APAF1: variants seen among roughly 807,000 people sequenced by gnomAD.
The protein encoded by APAF1 is apoptotic protease-activating factor 1.
A neutral mutation model predicts 152.4 loss-of-function variants in APAF1; 91 were observed. That is an observed-to-expected ratio of 0.60 (90% confidence interval 0.50 to 0.71). The LOEUF (loss-of-function observed/expected upper bound fraction) is 0.71, where lower values mean the gene tolerates loss of function less well. APAF1 is among the 30% of genes least tolerant of loss of function. APAF1 has a pLI of 0.00. For synonymous variants in APAF1, 484 were observed against 494.1 expected (o/e 0.98, Z 0.27); for missense variants, 1,283 against 1,472.0 (o/e 0.87, Z 2.10).
At chr12:98,659,426 C>T in intron 5 of APAF1, 83 bp downstream of exon 5, 1 of 1,383,770 alleles carries the variant, frequency 7.2e-7, no homozygotes, top group South Asian at 1.2e-5. Context: ...AACATCATGC[C>T]TTTTTCCTGC....
chr12:98,709,837 G>A (rs1389337840), intron 20 of APAF1, among the ~76,000 whole-genome samples: 1 of 152,188 alleles, frequency 6.6e-6, no homozygotes, highest in African/African-American at 2.4e-5. Flanking sequence ...ACATAGGATT[G>A]AGAAGGACAG....
chr12:98,704,712 C>T (rs146017991), intron 18 of APAF1, among the ~76,000 whole-genome samples: 125 of 152,186 alleles, frequency 8.2e-4, no homozygotes, highest in African/African-American at 2.7e-3. Flanking sequence ...TATGAAACAG[C>T]GGGAAGAAGT....
chr12:98,731,004 G>A (rs541452461), intron 26 of APAF1, among the ~76,000 whole-genome samples: 16 of 152,328 alleles, frequency 1.1e-4, no homozygotes, highest in African/African-American at 3.8e-4. Flanking sequence ...AATACATGGT[G>A]ATAAATGGTG....
At position 98,649,569 on chromosome 12, in the gene APAF1, G is replaced by T; in HGVS notation, c.411G>T (p.Gln137His). Reference sequence around the variant, plus strand: ...GGAAGAAGCTGGTGAATGCAATTCAGCAGAAGCTCTCCAAATTGAAAGGTG... The same window carrying T: ...GGAAGAAGCTGGTGAATGCAATTCATCAGAAGCTCTCCAAATTGAAAGGTG... ...VTRKKLVNAI[Q>H]QKLSKLKGEP... The change falls in exon 4 of 27, where the codon CAG (glutamine) becomes CAT (histidine). Residue 137 changes from glutamine to histidine, a missense_variant. By Grantham distance (24) the Gln-to-His change is conservative (BLOSUM62 0). Coordinates refer to ENST00000551964, the MANE Select transcript of APAF1 (RefSeq NM_181861.2). 6.2e-7 allele frequency: 1 copy of T among 1,614,146 alleles called. No homozygotes were observed.
intron 14 of APAF1, among the ~76,000 whole-genome samples, chr12:98,682,165 T>C (rs2097693063): frequency 1.3e-5 from 2 of 150,516 alleles, no homozygotes; most frequent in Admixed American, 1.3e-4. Context: ...GCCATTCTCC[T>C]GCCTCAGCCT....
At chr12:98,721,851 C>T (rs552348448) in intron 22 of APAF1, among the ~76,000 whole-genome samples, 1 of 152,262 alleles carries the variant, frequency 6.6e-6, no homozygotes, top group Admixed American at 6.5e-5. Context: ...AAGATTTTGC[C>T]TAGGTCTGAT....
intron 21 of APAF1, among the ~76,000 whole-genome samples, chr12:98,713,021 G>A (rs1275694214): frequency 6.6e-6 from 1 of 152,112 alleles, no homozygotes; most frequent in Non-Finnish European, 1.5e-5. Context: ...TTTCACCAGT[G>A]TTGCCCAGGC....
Position 98,680,426 on chromosome 12 carries a change from G to A in APAF1, c.2046+24G>A, listed in dbSNP as rs748135543. The A allele has an allele frequency of 8.1e-6, 13 of 1,609,698 alleles. No homozygotes were observed. In the South Asian group the frequency reaches 1.3e-4, roughly 16 times the overall value. ...AGGTAGGAAAATCTTTTCCTCTTGAGTTGTAATCACAACAGAATTCATTTT... is the reference window on the plus strand; with the variant it reads ...AGGTAGGAAAATCTTTTCCTCTTGAATTGTAATCACAACAGAATTCATTTT... On this transcript the variant is annotated intron_variant, in intron 14 of 26. Transcript: ENST00000551964.
chr12:98,697,847 T>A (rs1356354111), intron 16 of APAF1, among the ~76,000 whole-genome samples: 1 of 152,202 alleles, frequency 6.6e-6, no homozygotes, highest in Non-Finnish European at 1.5e-5. Context: ...CCCAAATGGC[T>A]CTATAACTTT....
Position 98,683,156 on chromosome 12 carries a change from T to A in APAF1, c.2060T>A (p.Met687Lys). 6.2e-7 allele frequency: 1 copy of A among 1,613,238 alleles called. No homozygotes were observed. Among genetic ancestry groups the A allele is most frequent in the Non-Finnish European group, 8.5e-7 (1 of 1,179,398 alleles). ...VDKKVKIWNS[M>K]TGELVHTYDE... is the part of the protein sequence containing the mutation. Reference sequence around the variant, plus strand: ...TTTTCTCTTTAGATTTGGAATTCTATGACTGGGGAACTAGTACACACCTAT... The same window carrying A: ...TTTTCTCTTTAGATTTGGAATTCTAAGACTGGGGAACTAGTACACACCTAT... The change falls in exon 15 of 27, where the codon ATG (methionine) becomes AAG (lysine). Residue 687 changes from methionine to lysine, a missense_variant. Met to Lys is a moderately conservative substitution (Grantham distance 95). Transcript: ENST00000551964.
intron 16 of APAF1, among the ~76,000 whole-genome samples, chr12:98,695,751 G>T (rs947726503): frequency 6.6e-6 from 1 of 152,206 alleles, no homozygotes; most frequent in Non-Finnish European, 1.5e-5. Flanking sequence ...GATTTCAATG[G>T]ACTTTTAAAG....
intron 5 of APAF1, among the ~76,000 whole-genome samples, chr12:98,661,579 C>T (rs944266570): frequency 6.6e-6 from 1 of 151,806 alleles, no homozygotes. Flanking sequence ...CGGGTTCAAG[C>T]GATTCTCTGC....
intron 12 of APAF1, among the ~76,000 whole-genome samples, chr12:98,673,461 A>AC (rs1331328208): frequency 3.3e-5 from 5 of 151,732 alleles, no homozygotes; most frequent in African/African-American, 9.7e-5. Flanking sequence ...AAAAAACAAA[A>AC]AAAAAACCTT....
intron 9 of APAF1, among the ~76,000 whole-genome samples, chr12:98,666,607 A>C (rs1020333980): frequency 2.6e-5 from 4 of 152,142 alleles, no homozygotes; most frequent in South Asian, 4.2e-4. Flanking sequence ...ATTGCATATG[A>C]TTGTCTTGTT....
In APAF1 at chr12:98,653,719, T is replaced by TATATATATAG. The variant is rs1305555429; in HGVS notation, c.526+4040_526+4041insTATAGATATA. ...ATATATATATATATATATATATATATATATAGTTTTTAACTATTTATGTCT... is the reference window on the plus strand; with the variant it reads ...ATATATATATATATATATATATATATATATATATAGATATAGTTTTTAACTATTTATGTCT... On this transcript the variant is annotated intron_variant, in intron 4 of 26. Coordinates refer to ENST00000551964, the MANE Select transcript of APAF1 (RefSeq NM_181861.2). Among the ~76,000 whole-genome samples the TATATATATAG allele has an allele frequency of 1.6e-3, 172 of 108,174 alleles. 6 individuals are homozygous for TATATATATAG. Among genetic ancestry groups the TATATATATAG allele is most frequent in the African/African-American group, 5.5e-3 (145 of 26,598 alleles). The allele number at this position is 108,174 out of a possible 152,430, so 71.0% of individuals were successfully genotyped here.
At chr12:98,652,818 G>T (rs1342375282) in intron 4 of APAF1, among the ~76,000 whole-genome samples, 2 of 151,788 alleles carry the variant, frequency 1.3e-5, no homozygotes, top group African/African-American at 2.4e-5. Context: ...TAGAGACGGG[G>T]TTTCTCCATG....
Position 98,717,545 on chromosome 12 carries a change from T to C in APAF1, c.3084+1993T>C, listed in dbSNP as rs1169550868. ...CATGCACAACCACACCCTGCTAATT[T>C]TTGTATATTTAGTAGAGATGGGGTT... On this transcript the variant is annotated intron_variant, in intron 22 of 26. Transcript: ENST00000551964. Among the ~76,000 whole-genome samples, 4 of 152,022 alleles carry C rather than the reference T, an allele frequency of 2.6e-5. No individual in the cohort carries two copies. In the East Asian group the frequency reaches 7.8e-4, roughly 30 times the overall value.
Position 98,706,626 on chromosome 12 carries a change from AT to A in APAF1, c.2721+20del. The A allele has an allele frequency of 6.2e-7, 1 of 1,613,580 alleles. No individual in the cohort carries two copies. The highest frequency in any genetic ancestry group is 2.2e-5 in the East Asian group (1 of 44,828). On this transcript the variant is annotated intron_variant, in intron 19 of 26. Transcript: ENST00000551964. ...GACAATCAGGGTGAGAAATATTGAG[AT>A]TTTCATTTTGAACATTTCCTGATGG...
chr12:98,687,402 C>G (rs895262818), intron 16 of APAF1, among the ~76,000 whole-genome samples: 1 of 149,630 alleles, frequency 6.7e-6, no homozygotes, highest in Non-Finnish European at 1.5e-5. Context: ...AATTTTTATT[C>G]TTTTAATTTG....
Sources: gnomAD v4.1 joint callset for allele counts (sites outside exome capture counted in the v4.1 genomes callset) on GRCh38, gnomAD v4.1.1 for gene constraint, MANE v1.5 for transcripts, NCBI Gene and HGNC (gene_info 2026-07-23, HGNC 2026-07-21) for gene names.